ORC3: variants seen among roughly 807,000 people sequenced by gnomAD.
The protein encoded by ORC3 is homolog of latheo, Drosophila.
Under a neutral mutation model 100.7 loss-of-function variants are expected in ORC3, and 78 were observed. The ratio of observed to expected loss-of-function variants is 0.77; its 90% CI spans 0.65 to 0.94. ORC3 has a LOEUF of 0.94. Among genes scored for constraint, ORC3 ranks in the 40% least tolerant of loss-of-function variants. The pLI is 0.00. For missense variants in ORC3, 789 were observed against 823.9 expected (o/e 0.96, Z 0.52); for synonymous variants, 295 against 289.3 (o/e 1.02, Z -0.20).
chr6:87,599,671 GT>G (rs1777743881), intron 2 of ORC3, among the ~76,000 whole-genome samples: 1 of 148,796 alleles, frequency 6.7e-6, no homozygotes, highest in Non-Finnish European at 1.5e-5. Flanking sequence ...GGCCTGCTTT[GT>G]CTCTTAATAA....
intron 11 of ORC3, among the ~76,000 whole-genome samples, chr6:87,632,591 G>A (rs1204887268): frequency 6.6e-6 from 1 of 152,124 alleles, no homozygotes; most frequent in Admixed American, 6.5e-5. Flanking sequence ...GGCCAGTCAC[G>A]GTGGCTCACA....
intron 11 of ORC3, among the ~76,000 whole-genome samples, chr6:87,629,378 T>C (rs7759422): frequency 0.064 from 9,762 of 152,188 alleles, 407 homozygotes; most frequent in African/African-American, 0.12. Flanking sequence ...ACATACAATT[T>C]TAGAGACAAA....
At chr6:87,651,492 C>T (rs1356381009) in intron 13 of ORC3, 1 of 303,930 alleles carries the variant, frequency 3.3e-6, no homozygotes, top group African/African-American at 2.2e-5. Flanking sequence ...TAAATCTCAA[C>T]TGTAATCAAG....
chr6:87,617,551 A>G (rs2128260686), intron 9 of ORC3, among the ~76,000 whole-genome samples: 1 of 152,196 alleles, frequency 6.6e-6, no homozygotes, highest in East Asian at 1.9e-4. Flanking sequence ...CCTGAACAAC[A>G]TAATGCAGCC....
At chr6:87,592,979 G>A (rs1777149602) in intron 1 of ORC3, among the ~76,000 whole-genome samples, 1 of 152,022 alleles carries the variant, frequency 6.6e-6, no homozygotes, top group East Asian at 1.9e-4. Flanking sequence ...TGTCATCCCA[G>A]CTACTCAGGA....
At chr6:87,646,287 A>C (rs1265775281) in intron 13 of ORC3, among the ~76,000 whole-genome samples, 2 of 152,120 alleles carry the variant, frequency 1.3e-5, no homozygotes, top group East Asian at 3.9e-4. Context: ...TGCTCTGCCA[A>C]TTGTGAAGTA....
chr6:87,658,196 G>A (rs182572782), intron 16 of ORC3, among the ~76,000 whole-genome samples, 178 bp downstream of exon 16: 11 of 152,216 alleles, frequency 7.2e-5, no homozygotes, highest in Admixed American at 3.9e-4. Context: ...GGTGGCTCAC[G>A]CCTGTAATCC....
chr6:87,605,396 A>C (rs1421875038), intron 4 of ORC3, among the ~76,000 whole-genome samples: 1 of 152,222 alleles, frequency 6.6e-6, no homozygotes, highest in Non-Finnish European at 1.5e-5. Flanking sequence ...CACGCCTGTA[A>C]TCCCAGCACG....
chr6:87,672,402 G>A (rs532191866), downstream of ORC3, among the ~76,000 whole-genome samples: 7 of 152,210 alleles, frequency 4.6e-5, no homozygotes, highest in African/African-American at 1.7e-4. Context: ...GAGAGGAGAG[G>A]ACTGCTGGAG....
At chr6:87,616,921 C>T (rs1165675418) in intron 9 of ORC3, among the ~76,000 whole-genome samples, 1 of 152,110 alleles carries the variant, frequency 6.6e-6, no homozygotes, top group Non-Finnish European at 1.5e-5. Context: ...CCTCAGCCTC[C>T]CATGTAGCTG....
intron 11 of ORC3, among the ~76,000 whole-genome samples, chr6:87,628,157 G>A (rs934928451): frequency 3.3e-5 from 5 of 152,204 alleles, no homozygotes; most frequent in African/African-American, 1.2e-4. Flanking sequence ...TCATTTGTGA[G>A]TGGGAGCTGA....
intron 19 of ORC3, 74 bp downstream of exon 19, chr6:87,665,907 A>G: frequency 3.4e-6 from 3 of 871,808 alleles, no homozygotes; most frequent in South Asian, 3.0e-5. Flanking sequence ...CCAGGTCTAC[A>G]CTAGATATTT....
intron 13 of ORC3, among the ~76,000 whole-genome samples, chr6:87,639,665 T>A (rs895217316): frequency 2.6e-5 from 4 of 151,740 alleles, no homozygotes; most frequent in African/African-American, 9.7e-5. Flanking sequence ...TGGCTTTGTG[T>A]TTGTGTTCTG....
chr6:87,619,210 C>G lies in ORC3; in HGVS notation c.988-2144C>G, dbSNP rs1562340991. Among the ~76,000 whole-genome samples, 4 of 152,268 alleles carry G rather than the reference C, an allele frequency of 2.6e-5. No homozygotes were observed. In the South Asian group the frequency reaches 8.3e-4, roughly 32 times the overall value. ...ACTGAAGCCAAGGGAAAAAGAGATT[C>G]AGGAAATAGAAACTGTACTCTAAAT... On this transcript the variant is annotated intron_variant, in intron 9 of 19. Coordinates refer to ENST00000392844, the MANE Select transcript of ORC3 (RefSeq NM_012381.4).
chr6:87,619,640 C>T (rs975131466), intron 9 of ORC3, among the ~76,000 whole-genome samples: 25 of 151,886 alleles, frequency 1.6e-4, no homozygotes, highest in Admixed American at 9.8e-4. Flanking sequence ...TTCTGACCTC[C>T]GGTGATCCAC....
At chr6:87,600,461 C>T (rs1317137111) in intron 2 of ORC3, among the ~76,000 whole-genome samples, 1 of 152,024 alleles carries the variant, frequency 6.6e-6, no homozygotes, top group Non-Finnish European at 1.5e-5. Flanking sequence ...TGAGAAGTGA[C>T]AGGATTACTG....
intron 2 of ORC3, among the ~76,000 whole-genome samples, chr6:87,598,074 G>T (rs905677466): frequency 1.3e-5 from 2 of 152,192 alleles, no homozygotes; most frequent in African/African-American, 4.8e-5. Flanking sequence ...CTGTCACCCA[G>T]GCTGGAGTGC....
chr6:87,632,252 G>A (rs1227544838), intron 11 of ORC3, among the ~76,000 whole-genome samples: 8 of 152,226 alleles, frequency 5.3e-5, no homozygotes, highest in Admixed American at 3.9e-4. Flanking sequence ...GGAAAACTTA[G>A]AGGACATGTT....
At chr6:87,669,411 A>G (rs572621896), downstream of ORC3, among the ~76,000 whole-genome samples, 4 of 152,376 alleles carry the variant, frequency 2.6e-5, no homozygotes, top group South Asian at 6.2e-4. Context: ...ACACCTGTAC[A>G]TATGTACACA....
Sources: gnomAD v4.1 joint callset for allele counts (sites outside exome capture counted in the v4.1 genomes callset) on GRCh38, gnomAD v4.1.1 for gene constraint, MANE v1.5 for transcripts, NCBI Gene and HGNC (gene_info 2026-07-23, HGNC 2026-07-21) for gene names.